Variants in LUZP2 observed in about 807,000 individuals in gnomAD.
LUZP2 encodes the protein leucine zipper protein 2.
Under a neutral mutation model 51.6 loss-of-function variants are expected in LUZP2, and 52 were observed. That is an observed-to-expected ratio of 1.01 (90% confidence interval 0.81 to 1.27). The LOEUF (loss-of-function observed/expected upper bound fraction) is 1.27. Among genes scored for constraint, LUZP2 ranks in the 50% most tolerant of loss-of-function variants. The pLI, the probability that LUZP2 is intolerant of heterozygous loss-of-function variation, is 0.00. For missense variants in LUZP2, 436 were observed against 395.4 expected, an observed-to-expected ratio of 1.10 and a Z score of -0.87; for synonymous variants, 154 against 137.3, an observed-to-expected ratio of 1.12 and a Z score of -0.85.
chr11:24,558,037 A>G (rs1851922307), intron 1 of LUZP2, among the ~76,000 whole-genome samples: 1 of 152,140 alleles, frequency 6.6e-6, no homozygotes, highest in South Asian at 2.1e-4. Flanking sequence ...TGGATAGGCA[A>G]CATTCAAACA....
At chr11:24,533,164 A>AC (rs1851065701) in intron 1 of LUZP2, among the ~76,000 whole-genome samples, 1 of 151,046 alleles carries the variant, frequency 6.6e-6, no homozygotes, top group African/African-American at 2.4e-5. Flanking sequence ...TCCATTGGAT[A>AC]CCCCCTCCCT....
At chr11:24,840,226 T>C (rs1590623178) in intron 5 of LUZP2, among the ~76,000 whole-genome samples, 2 of 151,814 alleles carry the variant, frequency 1.3e-5, no homozygotes, top group South Asian at 4.1e-4. Context: ...TTTCTTCTTA[T>C]GTCTATACCT....
chr11:24,578,451 T>C (rs1852732896), intron 1 of LUZP2, among the ~76,000 whole-genome samples: 1 of 152,050 alleles, frequency 6.6e-6, no homozygotes. Flanking sequence ...AAGGTAGGAT[T>C]TGAAACTTGG....
chr11:24,679,040 T>C (rs1199203010), intron 1 of LUZP2, among the ~76,000 whole-genome samples: 1 of 152,240 alleles, frequency 6.6e-6, no homozygotes, highest in African/African-American at 2.4e-5. Flanking sequence ...AATAACATTG[T>C]CAGTAAGCTT....
At chr11:24,728,852 C>T (rs529238132) in intron 1 of LUZP2, among the ~76,000 whole-genome samples, 16 of 152,004 alleles carry the variant, frequency 1.1e-4, no homozygotes, top group South Asian at 4.2e-4. Context: ...GTGGATTCCA[C>T]GTGGCTGGGG....
intron 5 of LUZP2, chr11:24,891,551 A>C (rs1222785506): frequency 3.2e-6 from 3 of 935,186 alleles, no homozygotes; most frequent in Non-Finnish European, 3.8e-6. Flanking sequence ...GCAAGAAAAG[A>C]AAGTTCACAT....
At chr11:24,799,897 T>C (rs1464665014) in intron 5 of LUZP2, among the ~76,000 whole-genome samples, 1 of 152,182 alleles carries the variant, frequency 6.6e-6, no homozygotes, top group Non-Finnish European at 1.5e-5. Context: ...TTCCCATAAG[T>C]TTAGGCATTG....
chr11:24,742,334 C>A (rs113281049), intron 4 of LUZP2, among the ~76,000 whole-genome samples: 3,545 of 151,810 alleles, frequency 0.023, 141 homozygotes, highest in African/African-American at 0.081. Flanking sequence ...CGAAAGTGTT[C>A]CCTGATCACT....
intron 5 of LUZP2, among the ~76,000 whole-genome samples, chr11:24,839,818 A>G (rs563533627): frequency 7.9e-5 from 12 of 151,882 alleles, no homozygotes; most frequent in Middle Eastern, 3.4e-3. Context: ...AATAATCGAA[A>G]TGATAGTGAG....
rs555275365 is a variant in LUZP2 at position 24,643,766 on chromosome 11, G to A, written c.63-85403G>A. ...TTAGTCACTACCTATTGAAAAAAAA[G>A]ATACACCAAATATGAAATAGTTTGT... On this transcript the variant is annotated intron_variant, in intron 1 of 11. Transcript: ENST00000336930. 3.3e-5 allele frequency among the ~76,000 whole-genome samples: 5 copies of A among 152,184 alleles called. No individual in the cohort carries two copies. The South Asian group carries it at 1.0e-3, about 32-fold the overall frequency.
At chr11:24,621,202 A>G (rs570606099) in intron 1 of LUZP2, among the ~76,000 whole-genome samples, 26 of 152,358 alleles carry the variant, frequency 1.7e-4, no homozygotes, top group Admixed American at 1.0e-3. Flanking sequence ...TTTAATTTAT[A>G]ACAGCTTCTG....
At chr11:24,773,260 A>G (rs1848804483) in intron 5 of LUZP2, among the ~76,000 whole-genome samples, 1 of 152,228 alleles carries the variant, frequency 6.6e-6, no homozygotes, top group African/African-American at 2.4e-5. Flanking sequence ...CCAGAGGCAT[A>G]CAAGTATTAT....
At chr11:24,601,922 ATATATATG>A (rs1163588179) in intron 1 of LUZP2, among the ~76,000 whole-genome samples, 22 of 66,046 alleles carry the variant, frequency 3.3e-4, no homozygotes, top group East Asian at 2.3e-3. Context: ...GTATATATGT[ATATATATG>A]TATATATGTA....
chr11:24,650,960 C>T (rs1855606540), intron 1 of LUZP2, among the ~76,000 whole-genome samples: 1 of 152,080 alleles, frequency 6.6e-6, no homozygotes, highest in African/African-American at 2.4e-5. Context: ...GTTCCCAGCA[C>T]AGTTTCTACA....
chr11:24,821,291 G>T (rs1232123196), intron 5 of LUZP2, among the ~76,000 whole-genome samples: 1 of 152,030 alleles, frequency 6.6e-6, no homozygotes, highest in African/African-American at 2.4e-5. Flanking sequence ...TTAAAGTAGT[G>T]CCTAGAACAC....
intron 1 of LUZP2, among the ~76,000 whole-genome samples, chr11:24,544,185 T>G (rs1851468929): frequency 6.6e-6 from 1 of 152,054 alleles, no homozygotes; most frequent in South Asian, 2.1e-4. Flanking sequence ...GGTCTGTGTG[T>G]CTGGTTCCGA....
At chr11:24,561,128 C>T (rs908791391) in intron 1 of LUZP2, among the ~76,000 whole-genome samples, 3 of 152,166 alleles carry the variant, frequency 2.0e-5, no homozygotes, top group Admixed American at 6.6e-5. Context: ...ATTTCAGGTA[C>T]TGTGCTAGAC....
At chr11:24,540,634 GAGCAGACTAATAT>G (rs1216071713) in intron 1 of LUZP2, among the ~76,000 whole-genome samples, 1 of 152,086 alleles carries the variant, frequency 6.6e-6, no homozygotes, top group African/African-American at 2.4e-5. Flanking sequence ...ATGTTAGCTT[GAGCAGACTAATAT>G]AGCATGCCAA....
chr11:24,875,852 A>C (rs1852240948), intron 5 of LUZP2, among the ~76,000 whole-genome samples: 1 of 152,138 alleles, frequency 6.6e-6, no homozygotes, highest in African/African-American at 2.4e-5. Flanking sequence ...TCTGATAGCC[A>C]GTGATGGTGA....
Sources: gnomAD v4.1 joint callset for allele counts (sites outside exome capture counted in the v4.1 genomes callset) on GRCh38, gnomAD v4.1.1 for gene constraint, MANE v1.5 for transcripts, NCBI Gene and HGNC (gene_info 2026-07-23, HGNC 2026-07-21) for gene names.